The following PLSCR4 variants were observed in gnomAD, a reference collection of about 807,000 sequenced individuals.
PLSCR4 encodes the protein Ca(2+)-dependent phospholipid scramblase 4.
A neutral mutation model predicts 36.3 loss-of-function variants in PLSCR4; 25 were observed. The ratio of observed to expected loss-of-function variants is 0.69; its 90% confidence interval spans 0.50 to 0.96. The LOEUF (loss-of-function observed/expected upper bound fraction) is 0.96. Among genes scored for constraint, PLSCR4 ranks in the 40% least tolerant of loss-of-function variants. The pLI is 0.00. For synonymous variants in PLSCR4, 122 were observed against 132.9 expected (o/e 0.92, Z 0.56); for missense variants, 408 against 414.7 (o/e 0.98, Z 0.14).
chr3:146,247,043 T>C (rs2036367992), intron 1 of PLSCR4, among the ~76,000 whole-genome samples: 1 of 152,126 alleles, frequency 6.6e-6, no homozygotes, highest in Non-Finnish European at 1.5e-5. Flanking sequence ...CTTTTCTGTG[T>C]CTTTTTCTTT....
At chr3:146,248,989 T>G (rs954461324) in intron 1 of PLSCR4, among the ~76,000 whole-genome samples, 2 of 152,168 alleles carry the variant, frequency 1.3e-5, no homozygotes, top group Non-Finnish European at 2.9e-5. Flanking sequence ...GTATTCACTC[T>G]GCTTATTATT....
Position 146,193,214 on chromosome 3 carries a change from GTAGACCA to G in PLSCR4, c.*1190_*1196del, listed in dbSNP as rs1261005473. The G allele has an allele frequency of 2.0e-5, 3 of 152,150 alleles. No homozygotes were observed. The allele number at this position is 152,150 out of a possible 1,614,324, so 9.4% of individuals were successfully genotyped here. Reference sequence around the variant, plus strand: ...CCTACATATTATTTACTGGCATGCTGTAGACCATAGAGAAATAGAATGTTTACTGTGT... The same window carrying G: ...CCTACATATTATTTACTGGCATGCTGTAGAGAAATAGAATGTTTACTGTGT... On this transcript the variant is annotated 3_prime_UTR_variant, in exon 9 of 9. Coordinates refer to ENST00000354952, the MANE Select transcript of PLSCR4 (RefSeq NM_020353.3).
intron 6 of PLSCR4, among the ~76,000 whole-genome samples, chr3:146,197,072 G>A (rs1383515015): frequency 6.6e-6 from 1 of 152,112 alleles, no homozygotes; most frequent in Non-Finnish European, 1.5e-5. Flanking sequence ...TTGGCAAGCT[G>A]CATAAACAGC....
At chr3:146,206,113 G>A (rs2108239315) in intron 4 of PLSCR4, among the ~76,000 whole-genome samples, 1 of 152,050 alleles carries the variant, frequency 6.6e-6, no homozygotes, top group African/African-American at 2.4e-5. Context: ...GATGGGTGGT[G>A]GTAAAAAGCA....
chr3:146,245,324 C>G (rs74806449), intron 1 of PLSCR4, among the ~76,000 whole-genome samples: 7,860 of 152,140 alleles, frequency 0.052, 292 homozygotes, highest in Non-Finnish European at 0.079. Flanking sequence ...ATAATACATT[C>G]AATCAAATGT....
Position 146,192,443 on chromosome 3 carries a change from CACA to C in PLSCR4, c.*1965_*1967del, listed in dbSNP as rs1366930163. On this transcript the variant is annotated 3_prime_UTR_variant, in exon 9 of 9. Coordinates refer to ENST00000354952, the MANE Select transcript of PLSCR4 (RefSeq NM_020353.3). ...TTTTTAATCAATCCGATCAATTTTA[CACA>C]ACAAAATATCATTAAGAAACATAGA... 6.6e-6 allele frequency: 1 copy of C among 150,802 alleles called. No homozygotes were observed. Among genetic ancestry groups the C allele is most frequent in the African/African-American group, 2.4e-5 (1 of 41,192 alleles). 9.3% of individuals were successfully genotyped at this position (150,802 alleles called of 1,614,324 possible).
intron 1 of PLSCR4, among the ~76,000 whole-genome samples, chr3:146,229,995 G>T (rs2035642619): frequency 6.6e-6 from 1 of 152,096 alleles, no homozygotes; most frequent in Non-Finnish European, 1.5e-5. Context: ...GTCATTCTAG[G>T]AAATGATCAT....
intron 8 of PLSCR4, 44 bp downstream of exon 8, chr3:146,195,080 G>GA (rs1461811768): frequency 1.3e-6 from 2 of 1,578,154 alleles, no homozygotes; most frequent in Admixed American, 3.4e-5. Flanking sequence ...TTCTCCATCA[G>GA]AAAGAACAAC....
At chr3:146,214,132 T>TTCC (rs1455480435) in intron 3 of PLSCR4, among the ~76,000 whole-genome samples, 5 of 9,026 alleles carry the variant, frequency 5.5e-4, no homozygotes, top group Admixed American at 2.0e-3. Context: ...TTTTTTTTTT[T>TTCC]TTTTTTTGAG....
chr3:146,204,197 G>A (rs963340581), intron 4 of PLSCR4, among the ~76,000 whole-genome samples: 2 of 151,850 alleles, frequency 1.3e-5, no homozygotes, highest in African/African-American at 4.8e-5. Flanking sequence ...TAATATAATC[G>A]TGCTAATTTG....
At chr3:146,225,008 C>A (rs1350715657) in intron 1 of PLSCR4, among the ~76,000 whole-genome samples, 2 of 151,736 alleles carry the variant, frequency 1.3e-5, no homozygotes, top group Non-Finnish European at 2.9e-5. Flanking sequence ...ACACAGGGTG[C>A]TGATTGGTGT....
At chr3:146,204,314 C>T (rs2034204079) in intron 4 of PLSCR4, among the ~76,000 whole-genome samples, 1 of 151,828 alleles carries the variant, frequency 6.6e-6, no homozygotes, top group South Asian at 2.1e-4. Context: ...CTATGTCTTG[C>T]ATTCACACAT....
At chr3:146,239,141 A>G (rs554767041) in intron 1 of PLSCR4, among the ~76,000 whole-genome samples, 1 of 152,324 alleles carries the variant, frequency 6.6e-6, no homozygotes, top group South Asian at 2.1e-4. Flanking sequence ...TATTGTTAAA[A>G]TAGCAATACT....
chr3:146,217,512 A>T (rs1296704446), intron 3 of PLSCR4, among the ~76,000 whole-genome samples: 1 of 152,202 alleles, frequency 6.6e-6, no homozygotes, highest in Non-Finnish European at 1.5e-5. Context: ...TACATTTAGA[A>T]TTCTTTATAT....
chr3:146,216,121 T>A (rs1559911140), intron 3 of PLSCR4, among the ~76,000 whole-genome samples: 2 of 152,054 alleles, frequency 1.3e-5, no homozygotes, highest in Non-Finnish European at 2.9e-5. Flanking sequence ...TCCCAGCTAC[T>A]CTGAAGGCTG....
chr3:146,230,991 G>GGTA (rs1372747209), intron 1 of PLSCR4, among the ~76,000 whole-genome samples: 1 of 152,094 alleles, frequency 6.6e-6, no homozygotes, highest in Non-Finnish European at 1.5e-5. Flanking sequence ...GTAACTGACA[G>GGTA]GTAGTTTTTT....
At chr3:146,240,892 T>C (rs2036123779) in intron 1 of PLSCR4, among the ~76,000 whole-genome samples, 1 of 152,166 alleles carries the variant, frequency 6.6e-6, no homozygotes, top group South Asian at 2.1e-4. Context: ...AAAAACATGT[T>C]CATAATAGCA....
intron 3 of PLSCR4, among the ~76,000 whole-genome samples, chr3:146,208,108 T>C (rs984819714): frequency 3.9e-5 from 6 of 152,064 alleles, no homozygotes; most frequent in African/African-American, 1.4e-4. Flanking sequence ...TGGAACAGAA[T>C]AGGGAACCCA....
At chr3:146,229,308 G>A (rs1040728235) in intron 1 of PLSCR4, among the ~76,000 whole-genome samples, 2 of 152,086 alleles carry the variant, frequency 1.3e-5, no homozygotes, top group African/African-American at 4.8e-5. Context: ...TTGGAGCTTT[G>A]AGTAACATCA....
Sources: gnomAD v4.1 joint callset for allele counts (sites outside exome capture counted in the v4.1 genomes callset) on GRCh38, gnomAD v4.1.1 for gene constraint, MANE v1.5 for transcripts, NCBI Gene and HGNC (gene_info 2026-07-23, HGNC 2026-07-21) for gene names.